The following MIA2 variants were observed in gnomAD, a reference collection of about 807,000 sequenced individuals.
MIA2 encodes melanoma inhibitory activity protein 2.
Under a neutral mutation model 167.8 loss-of-function variants are expected in MIA2, and 127 were observed. The ratio of observed to expected loss-of-function variants is 0.76; its 90% CI spans 0.66 to 0.88. The LOEUF (loss-of-function observed/expected upper bound fraction) is 0.88. Among genes scored for constraint, MIA2 ranks in the 40% least tolerant of loss-of-function variants. The probability of loss-of-function intolerance (pLI) is 0.00; values close to 1 mark genes in which losing one functional copy is unlikely to be tolerated. For missense variants in MIA2, 1,690 were observed against 1,624.7 expected, an observed-to-expected ratio of 1.04 and a Z score of -0.69; for synonymous variants, 552 against 541.9, an observed-to-expected ratio of 1.02 and a Z score of -0.26.
chr14:39,325,257 T>A (rs1440389224), intron 24 of MIA2, among the ~76,000 whole-genome samples: 1 of 152,066 alleles, frequency 6.6e-6, no homozygotes, highest in African/African-American at 2.4e-5. Context: ...AAGCTGTTCC[T>A]TGAGAATAAT....
At chr14:39,315,907 A>AT (rs1346171943) in intron 21 of MIA2, among the ~76,000 whole-genome samples, 189 bp downstream of exon 21, 14 of 152,098 alleles carry the variant, frequency 9.2e-5, no homozygotes, top group Non-Finnish European at 1.6e-4. Context: ...GAAAAATCTG[A>AT]TTTTTCCTTC....
chr14:39,365,026 A>G (rs2074787971), intron 23 of MIA2, among the ~76,000 whole-genome samples: 1 of 151,608 alleles, frequency 6.6e-6, no homozygotes, highest in Admixed American at 6.6e-5. Flanking sequence ...CTATTATTTT[A>G]TTAAATAGGT....
intron 6 of MIA2, among the ~76,000 whole-genome samples, chr14:39,272,755 CCT>C (rs1290249925): frequency 6.6e-6 from 1 of 152,138 alleles, no homozygotes; most frequent in Non-Finnish European, 1.5e-5. Context: ...AGACTCAGTC[CCT>C]GTTTCAAACA....
chr14:39,346,333 T>C (rs2073240433), intron 26 of MIA2, among the ~76,000 whole-genome samples: 1 of 152,194 alleles, frequency 6.6e-6, no homozygotes, highest in South Asian at 2.1e-4. Flanking sequence ...GTGTTCTGTT[T>C]AGTAATCAGG....
Position 39,253,123 on chromosome 14 carries a change from T to C in MIA2, c.1839T>C (p.Tyr613=). 1 of 1,607,828 alleles carries C rather than the reference T, an allele frequency of 6.2e-7. No homozygotes were observed. Among genetic ancestry groups the C allele is most frequent in the South Asian group, 1.1e-5 (1 of 89,722 alleles). ...ILKYLFQIDV[Y]DFMNSAFSPI... is the part of the protein sequence containing the mutation. The stretch of plus-strand genomic sequence containing the variant: ...AATACTTATTCCAAATTGATGTTTA[T>C]GATTTCATGAATTCTGCATTTTCAC... Residue 613 remains tyrosine, a synonymous_variant, in exon 6 of 29, where the codon TAT becomes TAC. Transcript: ENST00000640607.
chr14:39,242,960 T>C (rs1323096840), intron 3 of MIA2, among the ~76,000 whole-genome samples: 1 of 151,582 alleles, frequency 6.6e-6, no homozygotes, highest in Non-Finnish European at 1.5e-5. Flanking sequence ...CCGTCTCTAC[T>C]AAAAATACAA....
chr14:39,293,215 A>G, intron 10 of MIA2, 56 bp from the exon 11 acceptor site: 3 of 1,168,516 alleles, frequency 2.6e-6, no homozygotes, highest in Non-Finnish European at 3.8e-6. Context: ...TGCTCGTCTG[A>G]TTTCCCTAAT....
At chr14:39,291,175 G>A in intron 10 of MIA2, 79 bp downstream of exon 10, 1 of 1,274,910 alleles carries the variant, frequency 7.8e-7, no homozygotes, top group Non-Finnish European at 1.1e-6. Flanking sequence ...TGTATCTTCT[G>A]AAAACTATTT....
At chr14:39,345,205 G>A (rs1446009694) in intron 25 of MIA2, among the ~76,000 whole-genome samples, 1 of 151,906 alleles carries the variant, frequency 6.6e-6, no homozygotes, top group Non-Finnish European at 1.5e-5. Flanking sequence ...TCAGTCTCCC[G>A]AGTAGCTGGG....
At chr14:39,328,779 T>C (rs2068123089) in intron 25 of MIA2, among the ~76,000 whole-genome samples, 1 of 152,126 alleles carries the variant, frequency 6.6e-6, no homozygotes, top group South Asian at 2.1e-4. Flanking sequence ...TGGTTGTAGA[T>C]GTGTTGTGTT....
intron 6 of MIA2, among the ~76,000 whole-genome samples, chr14:39,272,054 G>A (rs1257067050): frequency 6.6e-6 from 1 of 151,712 alleles, no homozygotes; most frequent in East Asian, 2.0e-4. Context: ...GCGTGACAAT[G>A]TAGACAACTA....
chr14:39,286,495 C>T (rs897523700), intron 9 of MIA2, among the ~76,000 whole-genome samples: 23 of 151,960 alleles, frequency 1.5e-4, no homozygotes, highest in Non-Finnish European at 3.2e-4. Context: ...TTGGCTAGGT[C>T]GTTATTTGTG....
chr14:39,322,390 A>G (rs1325104109), intron 24 of MIA2, among the ~76,000 whole-genome samples: 1 of 151,962 alleles, frequency 6.6e-6, no homozygotes, highest in African/African-American at 2.4e-5. Flanking sequence ...AAAATACAGA[A>G]ATCAGCTGGG....
chr14:39,289,968 T>C (rs12887784), intron 9 of MIA2, among the ~76,000 whole-genome samples: 13,738 of 152,274 alleles, frequency 0.09, 843 homozygotes, highest in Middle Eastern at 0.14. Context: ...TCGTCTTGCC[T>C]CCTCCTTTTA....
At chr14:39,327,860 A>G (rs866985694) in intron 25 of MIA2, among the ~76,000 whole-genome samples, 3 of 152,186 alleles carry the variant, frequency 2.0e-5, no homozygotes, top group Non-Finnish European at 4.4e-5. Context: ...TTCTTTATGC[A>G]GTCTGACATT....
chr14:39,322,521 C>T (rs966533836), intron 24 of MIA2, among the ~76,000 whole-genome samples: 1 of 136,740 alleles, frequency 7.3e-6, no homozygotes, highest in Non-Finnish European at 1.5e-5. Flanking sequence ...AGCCTGGCAA[C>T]AGAGCGAGAC....
intron 13 of MIA2, among the ~76,000 whole-genome samples, chr14:39,297,652 C>T (rs563958840): frequency 2.9e-4 from 33 of 114,358 alleles, no homozygotes; most frequent in South Asian, 5.4e-4. Context: ...AAAGAATGAC[C>T]CTGTAGGGTT....
At chr14:39,369,809 G>A (rs2074898358) in intron 23 of MIA2, among the ~76,000 whole-genome samples, 1 of 152,024 alleles carries the variant, frequency 6.6e-6, no homozygotes, top group Non-Finnish European at 1.5e-5. Flanking sequence ...ATAGGTAAAA[G>A]TTCAACTGAG....
intron 23 of MIA2, among the ~76,000 whole-genome samples, chr14:39,358,591 G>T (rs375968296): frequency 2.3e-4 from 35 of 152,280 alleles, no homozygotes; most frequent in East Asian, 1.7e-3. Flanking sequence ...TCTGTTGTTG[G>T]TGAGGAGCTG....
Sources: allele counts gnomAD v4.1 joint callset (sites outside exome capture counted in the v4.1 genomes callset), GRCh38; gene constraint gnomAD v4.1.1; transcripts MANE v1.5; gene names NCBI Gene and HGNC (gene_info 2026-07-23, HGNC 2026-07-21).